Variants in C10orf90 observed in about 807,000 individuals in gnomAD.
The protein encoded by C10orf90 is chromosome 10 open reading frame 90.
A neutral mutation model predicts 62.5 loss-of-function variants in C10orf90; 56 were observed. The ratio of observed to expected loss-of-function variants is 0.90; its 90% CI spans 0.72 to 1.12. The LOEUF (loss-of-function observed/expected upper bound fraction) is 1.12. Among genes scored for constraint, C10orf90 ranks in the 50% most tolerant of loss-of-function variants. The pLI, the probability that C10orf90 is intolerant of heterozygous loss-of-function variation, is 0.00. For missense variants in C10orf90, 970 were observed against 880.4 expected (o/e 1.10, Z -1.29); for synonymous variants, 386 against 340.4 (o/e 1.13, Z -1.47).
At chr10:126,531,913 A>G (rs531222213) in intron 2 of C10orf90, among the ~76,000 whole-genome samples, 15 of 152,348 alleles carry the variant, frequency 9.8e-5, no homozygotes, top group Admixed American at 9.8e-4. Context: ...ATGTATAATG[A>G]ACCCCTACAA....
chr10:126,618,089 C>T (rs1372780732), intron 2 of C10orf90, among the ~76,000 whole-genome samples: 1 of 152,112 alleles, frequency 6.6e-6, no homozygotes, highest in Non-Finnish European at 1.5e-5. Context: ...CCATGAGGCT[C>T]AGAAGAGAAT....
chr10:126,503,468 T>A (rs1007145734), intron 4 of C10orf90, among the ~76,000 whole-genome samples: 2 of 152,134 alleles, frequency 1.3e-5, no homozygotes, highest in African/African-American at 4.8e-5. Flanking sequence ...ATACACACAT[T>A]CACACTTACA....
At chr10:126,635,659 C>G (rs944390512) in intron 2 of C10orf90, among the ~76,000 whole-genome samples, 1 of 152,198 alleles carries the variant, frequency 6.6e-6, no homozygotes, top group Non-Finnish European at 1.5e-5. Context: ...CCCAGACCTG[C>G]GGACAGTAGT....
chr10:126,536,169 C>T (rs1460713493), intron 2 of C10orf90, among the ~76,000 whole-genome samples: 1 of 152,192 alleles, frequency 6.6e-6, no homozygotes, highest in African/African-American at 2.4e-5. Flanking sequence ...CCATTGGATG[C>T]AAGATGCCCG....
rs1182066967 is a variant in C10orf90 at position 126,645,258 on chromosome 10, T to TAA, written c.313+1305_313+1306dup. 7.5e-3 allele frequency among the ~76,000 whole-genome samples: 494 copies of TAA among 66,230 alleles called. 7 individuals carry two copies. Among genetic ancestry groups the TAA allele is most frequent in the African/African-American group, 0.02 (423 of 20,814 alleles). The allele number at this position is 66,230 out of a possible 152,430, so 43.4% of individuals were successfully genotyped here. A position where few individuals can be genotyped will look rare whatever the true frequency, so the allele number is the denominator to read the frequency against. On this transcript the variant is annotated intron_variant, in intron 2 of 9. Transcript: ENST00000488181. ...CACATGTACCCTAAAACTTAAAGTA[T>TAA]AAAAAAAAAAAAAAAAAAAAAGCTG...
chr10:126,589,898 C>T (rs999215550), intron 2 of C10orf90, among the ~76,000 whole-genome samples: 1 of 152,070 alleles, frequency 6.6e-6, no homozygotes, highest in Non-Finnish European at 1.5e-5. Context: ...AATTAAGACA[C>T]AGAATGGCAA....
At chr10:126,445,229 A>C (rs1858678311) in intron 7 of C10orf90, among the ~76,000 whole-genome samples, 1 of 152,192 alleles carries the variant, frequency 6.6e-6, no homozygotes, top group Admixed American at 6.5e-5. Context: ...GAGTAAATAG[A>C]CAAAACACAG....
intron 7 of C10orf90, among the ~76,000 whole-genome samples, chr10:126,450,401 C>A (rs1251585914): frequency 6.6e-6 from 1 of 152,014 alleles, no homozygotes; most frequent in African/African-American, 2.4e-5. Context: ...CGATTGAGAG[C>A]AAAAAGAATA....
intron 2 of C10orf90, among the ~76,000 whole-genome samples, chr10:126,565,351 T>TA (rs1360108519): frequency 2.8e-5 from 2 of 71,808 alleles, no homozygotes; most frequent in Non-Finnish European, 5.1e-5. Flanking sequence ...TAATATATAA[T>TA]ATATAATATA....
At chr10:126,579,577 AT>A (rs751122881) in intron 2 of C10orf90, among the ~76,000 whole-genome samples, 17 of 152,114 alleles carry the variant, frequency 1.1e-4, no homozygotes, top group Non-Finnish European at 2.4e-4. Context: ...CACTGAACAA[AT>A]TTTGCTGAAC....
chr10:126,487,772 G>A (rs1423458452), intron 4 of C10orf90, among the ~76,000 whole-genome samples: 3 of 151,972 alleles, frequency 2.0e-5, no homozygotes, highest in African/African-American at 7.3e-5. Context: ...CAAAGGCAAT[G>A]GTAAACATAA....
intron 4 of C10orf90, among the ~76,000 whole-genome samples, chr10:126,489,869 GTACA>G (rs1324579301): frequency 6.7e-6 from 1 of 148,254 alleles, no homozygotes; most frequent in Non-Finnish European, 1.5e-5. Flanking sequence ...ACAAAATGTG[GTACA>G]TACATACATA....
chr10:126,557,263 C>T (rs568051543), intron 2 of C10orf90, among the ~76,000 whole-genome samples: 40 of 152,056 alleles, frequency 2.6e-4, no homozygotes, highest in Non-Finnish European at 5.1e-4. Flanking sequence ...GGGCAGATCA[C>T]GAGGTTGGGA....
chr10:126,504,595 C>G lies in C10orf90; in HGVS notation c.896G>C (p.Ser299Thr). The G allele has an allele frequency of 6.2e-7, 1 of 1,614,222 alleles. No homozygotes were observed. The highest frequency in any genetic ancestry group is 2.2e-5 in the East Asian group (1 of 44,872). The change falls in exon 4 of 10, where the codon AGC (serine) becomes ACC (threonine). Residue 299 changes from serine (S) to threonine (T), a missense_variant. By Grantham distance (58) the Ser-to-Thr change is moderately conservative. Coordinates refer to ENST00000488181, the MANE Select transcript of C10orf90 (RefSeq NM_001350921.2). This position sits in a 1 kb window ranked among gnomAD's most constrained non-coding sequence, Gnocchi z 4.1. ...SFACTEFSRN[S>T]SVVRLKVPEA... ...GGGAACCTTCAGCCGCACCACGGAGCTGTTTCTGGAGAACTCTGTGCAGGC... is the reference window on the plus strand; with the variant it reads ...GGGAACCTTCAGCCGCACCACGGAGGTGTTTCTGGAGAACTCTGTGCAGGC...
chr10:126,490,077 TATA>T lies in C10orf90; in HGVS notation c.1534+13877_1534+13879del, dbSNP rs1291318384. On this transcript the variant is annotated intron_variant, in intron 4 of 9. Transcript: ENST00000488181. ...ATGTTATATAATATATAATATATAA[TATA>T]ATAATAATATATAATATATAATATA... is the stretch of plus-strand genomic sequence containing the variant. Among the ~76,000 whole-genome samples the T allele has an allele frequency of 6.4e-4, 79 of 122,556 alleles. 1 individual carries two copies. Among genetic ancestry groups the T allele is most frequent in the African/African-American group, 9.3e-4 (29 of 31,184 alleles). 80.4% of individuals were successfully genotyped at this position (122,556 alleles called of 152,430 possible).
chr10:126,497,675 G>A (rs893197797), intron 4 of C10orf90, among the ~76,000 whole-genome samples: 3 of 152,302 alleles, frequency 2.0e-5, no homozygotes, highest in Admixed American at 6.5e-5. Context: ...TGGAGCAGGG[G>A]GGGTCACACA....
At position 126,464,786 on chromosome 10, in the gene C10orf90, G is replaced by T; in HGVS notation, c.1735C>A (p.Leu579Ile). 4 of 1,614,050 alleles carry T rather than the reference G, an allele frequency of 2.5e-6. No individual in the cohort carries two copies. The highest frequency in any genetic ancestry group is 3.4e-6 in the Non-Finnish European group (4 of 1,179,986). Residue 579 changes from leucine to isoleucine, a missense_variant, in exon 5 of 10, where the codon CTT becomes ATT. Physicochemically the swap from Leu to Ile is conservative, Grantham distance 5. Transcript: ENST00000488181. Reference sequence around the variant, plus strand: ...AAGGGGCAAAGAAACCCAGGAAAAAGGATTCTGGGTTTCAGGAAGCTTTGA... The same window carrying T: ...AAGGGGCAAAGAAACCCAGGAAAAATGATTCTGGGTTTCAGGAAGCTTTGA... The part of the protein sequence containing the change: ...RHQSFLKPRI[L>I]FPGFLCPLQD...
chr10:126,491,046 T>A (rs774724606), intron 4 of C10orf90, among the ~76,000 whole-genome samples: 3 of 152,174 alleles, frequency 2.0e-5, no homozygotes, highest in Non-Finnish European at 2.9e-5. Flanking sequence ...AGGAAATTTT[T>A]AAAAATCTGT....
chr10:126,430,567 A>C (rs528794681), intron 7 of C10orf90, among the ~76,000 whole-genome samples: 1 of 152,228 alleles, frequency 6.6e-6, no homozygotes, highest in Non-Finnish European at 1.5e-5. Context: ...CAATAACTCA[A>C]ATTCCCATGA....
Sources: gnomAD v4.1 joint callset for allele counts (sites outside exome capture counted in the v4.1 genomes callset) on GRCh38, gnomAD v4.1.1 for gene constraint, Gnocchi (gnomAD v3.1) non-coding constraint, MANE v1.5 for transcripts, NCBI Gene and HGNC (gene_info 2026-07-23, HGNC 2026-07-21) for gene names.